SLC4A4: variants seen among roughly 807,000 people sequenced by gnomAD.
The protein encoded by SLC4A4 is solute carrier family 4 member 4, also known as electrogenic sodium bicarbonate cotransporter 1.
SLC4A4 carries 27 observed loss-of-function variants against 111.5 expected under a neutral mutation model. The ratio of observed to expected loss-of-function variants is 0.24; its 90% confidence interval spans 0.18 to 0.33. The LOEUF is 0.33. SLC4A4 is among the 10% of genes least tolerant of loss of function. The pLI, the probability that SLC4A4 is intolerant of heterozygous loss-of-function variation, is 1.00. For missense variants in SLC4A4, 909 were observed against 1,315.5 expected (o/e 0.69, Z 4.78); for synonymous variants, 443 against 463.4 (o/e 0.96, Z 0.57).
chr4:71,248,923 G>A (rs1321318866), intron 2 of SLC4A4, among the ~76,000 whole-genome samples: 1 of 152,162 alleles, frequency 6.6e-6, no homozygotes, highest in Non-Finnish European at 1.5e-5. Context: ...AAGGACAGGA[G>A]TCTAGCTAAC....
chr4:71,113,144 C>T (rs1398010599), intron 2 of SLC4A4, among the ~76,000 whole-genome samples: 1 of 152,168 alleles, frequency 6.6e-6, no homozygotes, highest in Non-Finnish European at 1.5e-5. Flanking sequence ...GGAGGAGGCT[C>T]CTGGAGACTG....
intron 1 of SLC4A4, among the ~76,000 whole-genome samples, chr4:71,221,049 T>G (rs958413830): frequency 1.3e-5 from 2 of 152,230 alleles, no homozygotes; most frequent in Non-Finnish European, 2.9e-5. Flanking sequence ...ATACATGATC[T>G]TGTTCTTTTT....
intron 2 of SLC4A4, among the ~76,000 whole-genome samples, chr4:71,114,628 A>G (rs951142355): frequency 3.3e-5 from 5 of 150,534 alleles, no homozygotes; most frequent in African/African-American, 1.2e-4. Flanking sequence ...AATCAAAACC[A>G]CAATGAGCTA....
At chr4:71,556,870 A>C (rs1217905413) in intron 21 of SLC4A4, among the ~76,000 whole-genome samples, 1 of 152,000 alleles carries the variant, frequency 6.6e-6, no homozygotes, top group Non-Finnish European at 1.5e-5. Flanking sequence ...ATATTATTTC[A>C]GAGTTCATAT....
intron 5 of SLC4A4, among the ~76,000 whole-genome samples, chr4:71,354,776 A>G (rs985674870): frequency 3.9e-5 from 6 of 152,192 alleles, no homozygotes; most frequent in South Asian, 2.1e-4. Flanking sequence ...CTGGTTTTAT[A>G]TGGGAGTTTT....
At chr4:71,264,182 C>G (rs1305259494) in intron 3 of SLC4A4, among the ~76,000 whole-genome samples, 1 of 152,052 alleles carries the variant, frequency 6.6e-6, no homozygotes, top group African/African-American at 2.4e-5. Context: ...GCACCCTTGT[C>G]AGGATTATGA....
chr4:71,360,801 T>C (rs1730706867), intron 6 of SLC4A4, among the ~76,000 whole-genome samples: 2 of 152,332 alleles, frequency 1.3e-5, no homozygotes, highest in East Asian at 3.9e-4. Flanking sequence ...ATTTATATAA[T>C]GTGTGCTACA....
intron 16 of SLC4A4, among the ~76,000 whole-genome samples, chr4:71,521,231 T>C (rs1347673907): frequency 6.6e-6 from 1 of 152,026 alleles, no homozygotes; most frequent in African/African-American, 2.4e-5. Context: ...TTTTTTCTTC[T>C]CCTTTATTTT....
chr4:71,084,600 T>G (rs1018459960), intron 1 of SLC4A4, among the ~76,000 whole-genome samples: 5 of 151,968 alleles, frequency 3.3e-5, no homozygotes, highest in African/African-American at 1.2e-4. Context: ...TTCCCCTTCC[T>G]GTGTCCATGT....
At chr4:71,258,576 T>C (rs1260436681) in intron 3 of SLC4A4, among the ~76,000 whole-genome samples, 2 of 152,204 alleles carry the variant, frequency 1.3e-5, no homozygotes, top group Non-Finnish European at 2.9e-5. Context: ...TACGTGTTTA[T>C]TGAGGAGTAA....
chr4:71,417,888 G>C (rs1431627849), intron 7 of SLC4A4, among the ~76,000 whole-genome samples: 2 of 152,122 alleles, frequency 1.3e-5, no homozygotes, highest in Non-Finnish European at 2.9e-5. Context: ...CTCATGGCCT[G>C]GCCTTAGCTG....
intron 2 of SLC4A4, among the ~76,000 whole-genome samples, chr4:71,122,875 T>G (rs552242091): frequency 3.9e-4 from 60 of 152,270 alleles, no homozygotes; most frequent in Non-Finnish European, 7.1e-4. Context: ...AACAGGTGAC[T>G]AAGAAACAGT....
intron 3 of SLC4A4, among the ~76,000 whole-genome samples, chr4:71,289,998 G>A (rs1724210987): frequency 6.6e-6 from 1 of 152,218 alleles, no homozygotes; most frequent in South Asian, 2.1e-4. Flanking sequence ...GCTAAGGGTG[G>A]AGAAAGTATT....
chr4:71,548,246 G>A (rs1292797175), intron 20 of SLC4A4, among the ~76,000 whole-genome samples: 1 of 151,654 alleles, frequency 6.6e-6, no homozygotes, highest in African/African-American at 2.4e-5. Context: ...ATTCACAAAG[G>A]TAAATTAGAG....
At chr4:71,142,817 C>T (rs965938316) in intron 2 of SLC4A4, among the ~76,000 whole-genome samples, 3 of 146,348 alleles carry the variant, frequency 2.0e-5, no homozygotes, top group Admixed American at 1.4e-4. Flanking sequence ...GGTTTGGATC[C>T]CATGCCCATG....
intron 3 of SLC4A4, among the ~76,000 whole-genome samples, chr4:71,296,317 C>T (rs1468376524): frequency 2.6e-5 from 4 of 152,250 alleles, no homozygotes; most frequent in South Asian, 2.1e-4. Flanking sequence ...TGGATTTACA[C>T]GCATTTAAAT....
chr4:71,230,075 GAA>G (rs33930960), intron 1 of SLC4A4, among the ~76,000 whole-genome samples: 4 of 151,782 alleles, frequency 2.6e-5, no homozygotes, highest in African/African-American at 7.3e-5. Flanking sequence ...TTAGAATCAT[GAA>G]AAAAAAATCA....
intron 1 of SLC4A4, among the ~76,000 whole-genome samples, chr4:71,189,775 A>C (rs1436775575): frequency 2.6e-5 from 4 of 152,232 alleles, no homozygotes; most frequent in Non-Finnish European, 5.9e-5. Context: ...AAGTGTGGCG[A>C]GATACATATC....
intron 13 of SLC4A4, among the ~76,000 whole-genome samples, chr4:71,470,425 C>T (rs1045119127): frequency 1.3e-5 from 2 of 152,028 alleles, no homozygotes; most frequent in Non-Finnish European, 2.9e-5. Flanking sequence ...TATTCACCCT[C>T]TCTAGAGCTA....
Sources: gnomAD v4.1 joint callset for allele counts (sites outside exome capture counted in the v4.1 genomes callset) on GRCh38, gnomAD v4.1.1 for gene constraint, MANE v1.5 for transcripts, NCBI Gene and HGNC (gene_info 2026-07-23, HGNC 2026-07-21) for gene names.